ABCG1: variants seen among roughly 807,000 people sequenced by gnomAD.
The protein encoded by ABCG1 is ATP binding cassette subfamily G member 1, also known as ATP-binding cassette sub-family G member 1.
In ABCG1, 29 loss-of-function variants were observed where a neutral mutation model predicts 69.2. That is an observed-to-expected ratio of 0.42 (90% CI 0.31 to 0.57). ABCG1 has a LOEUF of 0.57. Among genes scored for constraint, ABCG1 ranks in the 20% least tolerant of loss-of-function variants. ABCG1 has a pLI of 0.15. For missense variants in ABCG1, 718 were observed against 898.1 expected, an observed-to-expected ratio of 0.80 and a Z score of 2.56; for synonymous variants, 370 against 374.8, an observed-to-expected ratio of 0.99 and a Z score of 0.15.
chr21:42,274,324 C>T (rs1207944569), intron 4 of ABCG1, among the ~76,000 whole-genome samples: 1 of 152,130 alleles, frequency 6.6e-6, no homozygotes, highest in Non-Finnish European at 1.5e-5. Flanking sequence ...TGGATAAATC[C>T]AGTATTTGGG....
At position 42,291,393 on chromosome 21, in the gene ABCG1, C is replaced by G; in HGVS notation, c.1495-105C>G. 1 of 1,482,742 alleles carries G rather than the reference C, an allele frequency of 6.7e-7. No homozygotes were observed. Among genetic ancestry groups the G allele is most frequent in the Non-Finnish European group, 9.2e-7 (1 of 1,091,882 alleles). The allele number at this position is 1,482,742 out of a possible 1,614,324, so 91.8% of individuals were successfully genotyped here. On this transcript the variant is annotated intron_variant, in intron 12 of 14. Coordinates refer to ENST00000398449, the MANE Select transcript of ABCG1 (RefSeq NM_016818.3). The surrounding 1 kb of genome is among the most constrained non-coding windows in gnomAD (Gnocchi z 6.4). ...GTGGGGAAGGACCCGACTTTGGGAG[C>G]TCTGGCGGGAGCTGCGGGGAAGGGC...
At position 42,291,044 on chromosome 21, in the gene ABCG1, C is replaced by T. The variant is rs78480180; in HGVS notation, c.1394-48C>T. On this transcript the variant is annotated intron_variant, in intron 11 of 14. Transcript: ENST00000398449. This position sits in a 1 kb window ranked among gnomAD's most constrained non-coding sequence, Gnocchi z 6.4. ...CGCCTGTTGGGATGTTAAACGGGCTCGCTGCACATGGTCACTGACCCTTCT... is the reference window on the plus strand; with the variant it reads ...CGCCTGTTGGGATGTTAAACGGGCTTGCTGCACATGGTCACTGACCCTTCT... 33 of 1,441,328 alleles carry T rather than the reference C, an allele frequency of 2.3e-5. No individual in the cohort carries two copies. The highest frequency in any genetic ancestry group is 5.1e-5 in the Admixed American group (3 of 58,344). 89.3% of individuals were successfully genotyped at this position (1,441,328 alleles called of 1,614,324 possible).
intron 2 of ABCG1, among the ~76,000 whole-genome samples, chr21:42,246,705 C>A (rs1203134824): frequency 6.6e-6 from 1 of 152,132 alleles, no homozygotes; most frequent in Non-Finnish European, 1.5e-5. Context: ...CTTAAAGATT[C>A]ATATAGTCCA....
intron 2 of ABCG1, among the ~76,000 whole-genome samples, chr21:42,242,687 G>A (rs1023573767): frequency 6.6e-6 from 1 of 152,208 alleles, no homozygotes; most frequent in Non-Finnish European, 1.5e-5. Context: ...ATTCTGTTCC[G>A]GCTCTTGTGT....
chr21:42,223,046 CA>C, intron 1 of ABCG1, among the ~76,000 whole-genome samples: 1 of 152,312 alleles, frequency 6.6e-6, no homozygotes, highest in South Asian at 2.1e-4. Flanking sequence ...AGATAAAATG[CA>C]AAACCCGTAA....
At chr21:42,267,850 T>C (rs1601416989) in intron 2 of ABCG1, among the ~76,000 whole-genome samples, 1 of 143,066 alleles carries the variant, frequency 7.0e-6, no homozygotes, top group Non-Finnish European at 1.5e-5. Context: ...GGGTTCTGTC[T>C]GGGTCTGATC....
At chr21:42,258,232 A>G (rs2068342900) in intron 2 of ABCG1, among the ~76,000 whole-genome samples, 1 of 148,162 alleles carries the variant, frequency 6.7e-6, no homozygotes, top group Non-Finnish European at 1.5e-5. Context: ...CTCTCCAACC[A>G]TCCCTCCATC....
At chr21:42,272,382 C>A (rs2068631572) in intron 3 of ABCG1, among the ~76,000 whole-genome samples, 1 of 152,234 alleles carries the variant, frequency 6.6e-6, no homozygotes, top group African/African-American at 2.4e-5. Context: ...GGCCTTCAGA[C>A]CTGGGGATCC....
chr21:42,219,052 G>A, upstream of ABCG1: 1 of 269,736 alleles, frequency 3.7e-6, no homozygotes, highest in Non-Finnish European at 6.6e-6. This position sits in a 1 kb window ranked among gnomAD's most constrained non-coding sequence, Gnocchi z 5.3. Flanking sequence ...CGCACCTGCC[G>A]GCCCGCCCGC....
chr21:42,290,344 T>C (rs909288985), intron 11 of ABCG1, 126 bp downstream of exon 11: 3 of 1,077,500 alleles, frequency 2.8e-6, no homozygotes, highest in Non-Finnish European at 4.0e-6. Context: ...TTTTAAAATA[T>C]CATCTTCTTT....
At chr21:42,281,357 G>T (rs1313502565) in intron 5 of ABCG1, among the ~76,000 whole-genome samples, 1 of 152,208 alleles carries the variant, frequency 6.6e-6, no homozygotes, top group Non-Finnish European at 1.5e-5. Flanking sequence ...AGGCAGGGAT[G>T]GCAGTGGCTG....
At chr21:42,200,025 A>G (rs2067494031) in intron 1 of ABCG1, among the ~76,000 whole-genome samples, 1 of 152,250 alleles carries the variant, frequency 6.6e-6, no homozygotes, top group African/African-American at 2.4e-5. Flanking sequence ...TATACCAGTC[A>G]GACACCAAAT....
intron 2 of ABCG1, among the ~76,000 whole-genome samples, chr21:42,259,691 T>A (rs2068372359): frequency 6.6e-6 from 1 of 152,242 alleles, no homozygotes; most frequent in Non-Finnish European, 1.5e-5. Context: ...CGCACGTGCA[T>A]GTAATCCACA....
In ABCG1 at chr21:42,288,026, C is replaced by A. The variant is rs1477193362; in HGVS notation, c.1111C>A (p.Pro371Thr). The change falls in exon 9 of 15, where the codon CCC becomes ACC. Residue 371 changes from proline to threonine, a missense_variant. Physicochemically the swap from Pro to Thr is conservative, Grantham distance 38 (BLOSUM62 -1). This residue lies in a region of ABCG1 where 514 missense variants were observed against 574.3 expected (regional missense o/e 0.90). Coordinates refer to ENST00000398449, the MANE Select transcript of ABCG1 (RefSeq NM_016818.3). This position sits in a 1 kb window ranked among gnomAD's most constrained non-coding sequence, Gnocchi z 4.8. ...AEVNPFLWHR[P>T]SEEDSSSMEG... ...GGTGAACCCTTTTCTTTGGCACCGG[C>A]CCTCTGAAGAGGTAAAGCAGACAAA... 4 of 1,610,286 alleles carry A rather than the reference C, an allele frequency of 2.5e-6. No individual in the cohort carries two copies. The African/African-American group carries it at 5.3e-5, about 22-fold the overall frequency.
At chr21:42,217,705 T>G (rs1419997008), upstream of ABCG1, among the ~76,000 whole-genome samples, 3 of 124,056 alleles carry the variant, frequency 2.4e-5, no homozygotes, top group African/African-American at 9.6e-5. Context: ...TTTTTTTTTT[T>G]TTTTGAGACG....
intron 2 of ABCG1, chr21:42,259,618 T>C: frequency 6.9e-7 from 1 of 1,440,344 alleles, no homozygotes; most frequent in South Asian, 1.5e-5. Flanking sequence ...TTCCTAACTG[T>C]CACTCATTTG....
chr21:42,229,669 G>A (rs914965267), intron 2 of ABCG1, among the ~76,000 whole-genome samples: 1 of 152,064 alleles, frequency 6.6e-6, no homozygotes, highest in Non-Finnish European at 1.5e-5. Flanking sequence ...GCAGTGAGTC[G>A]GGATCGTACC....
chr21:42,260,512 GA>G (rs1330885086), intron 2 of ABCG1, among the ~76,000 whole-genome samples: 1 of 152,108 alleles, frequency 6.6e-6, no homozygotes, highest in Non-Finnish European at 1.5e-5. Flanking sequence ...GTTATTTAGG[GA>G]GGAGAGGAGC....
In ABCG1 at chr21:42,219,872, G is replaced by A; in HGVS notation, c.42+568G>A. Reference sequence around the variant, plus strand: ...CCCTCTCCCGGACCCACTCGGGGAGGCGGCGGCGAAGGCCCGGGGAGACCC... The same window carrying A: ...CCCTCTCCCGGACCCACTCGGGGAGACGGCGGCGAAGGCCCGGGGAGACCC... On this transcript the variant is annotated intron_variant, in intron 1 of 14. Coordinates refer to ENST00000398449, the MANE Select transcript of ABCG1 (RefSeq NM_016818.3). This position sits in a 1 kb window ranked among gnomAD's most constrained non-coding sequence, Gnocchi z 5.3. 1 of 1,537,704 alleles carries A rather than the reference G, an allele frequency of 6.5e-7. No homozygotes were observed. Among genetic ancestry groups the A allele is most frequent in the Non-Finnish European group, 8.7e-7 (1 of 1,142,922 alleles).
Sources: gnomAD v4.1 joint callset for allele counts (sites outside exome capture counted in the v4.1 genomes callset) on GRCh38, gnomAD v4.1.1 for gene constraint, gnomAD v4.1.1 regional missense constraint, Gnocchi (gnomAD v3.1) non-coding constraint, MANE v1.5 for transcripts, NCBI Gene and HGNC (gene_info 2026-07-23, HGNC 2026-07-21) for gene names.